The following TTC28 variants were observed in gnomAD, a reference collection of about 807,000 sequenced individuals.
TTC28 encodes tetratricopeptide repeat protein 28.
In TTC28, 61 loss-of-function variants were observed where a neutral mutation model predicts 198.0. That is an observed-to-expected ratio of 0.31 (90% CI 0.25 to 0.38). TTC28 has a LOEUF of 0.38. Ranked by LOEUF, TTC28 falls within the 10% of genes least tolerant of loss-of-function variation. TTC28 has a pLI of 1.00. For synonymous variants in TTC28, 1,171 were observed against 1,297.8 expected (o/e 0.90, Z 2.10); for missense variants, 2,678 against 3,164.0 (o/e 0.85, Z 3.69).
intron 5 of TTC28, among the ~76,000 whole-genome samples, chr22:28,173,092 C>T (rs1184888547): frequency 3.9e-5 from 6 of 152,140 alleles, no homozygotes; most frequent in Non-Finnish European, 7.4e-5. Context: ...GTAATGGCAA[C>T]TGAAAACATC....
At chr22:28,640,281 C>G (rs1174096278) in intron 1 of TTC28, among the ~76,000 whole-genome samples, 1 of 128,750 alleles carries the variant, frequency 7.8e-6, no homozygotes, top group Non-Finnish European at 1.6e-5. Context: ...AAAAAATCCC[C>G]AAAATCAACT....
chr22:28,621,742 TAAAAAAAA>T (rs771463983), intron 2 of TTC28, among the ~76,000 whole-genome samples: 1 of 76,160 alleles, frequency 1.3e-5, no homozygotes, highest in Non-Finnish European at 2.6e-5. Flanking sequence ...GACTGTCTCT[TAAAAAAAA>T]AAAAAAAAAA....
chr22:28,205,344 G>T (rs1236457465), intron 5 of TTC28, among the ~76,000 whole-genome samples: 2 of 151,814 alleles, frequency 1.3e-5, no homozygotes, highest in Admixed American at 1.3e-4. Flanking sequence ...ATTTTTCCCA[G>T]AGCCTCTGTT....
At chr22:28,308,991 G>T (rs2045201362) in intron 2 of TTC28, among the ~76,000 whole-genome samples, 1 of 152,132 alleles carries the variant, frequency 6.6e-6, no homozygotes, top group Non-Finnish European at 1.5e-5. Context: ...TTCATTGCAT[G>T]TACAAATGGC....
At chr22:28,082,244 C>A (rs1390313441) in intron 12 of TTC28, among the ~76,000 whole-genome samples, 1 of 152,134 alleles carries the variant, frequency 6.6e-6, no homozygotes, top group Non-Finnish European at 1.5e-5. Context: ...ATATTTATTT[C>A]CCTTCCTTAT....
chr22:28,454,149 C>CT (rs1459840747), intron 2 of TTC28, among the ~76,000 whole-genome samples: 1 of 152,124 alleles, frequency 6.6e-6, no homozygotes, highest in African/African-American at 2.4e-5. Flanking sequence ...ACCCGCCCCC[C>CT]TACTCCAAAT....
At chr22:28,001,146 A>T in intron 15 of TTC28, 1 of 514,730 alleles carries the variant, frequency 1.9e-6, no homozygotes, top group Non-Finnish European at 3.5e-6. Flanking sequence ...CATGACACAA[A>T]CTGTGGCTTC....
chr22:28,629,633 T>G lies in TTC28; in HGVS notation c.300A>C (p.Ala100=), dbSNP rs200248551. 2,303 of 1,551,732 alleles carry G rather than the reference T, an allele frequency of 1.5e-3. 1 individual carries two copies. Among genetic ancestry groups the G allele is most frequent in the Non-Finnish European group, 1.8e-3 (2,037 of 1,146,994 alleles). The change falls in exon 2 of 23, where the codon GCA becomes GCC. Residue 100 remains alanine (A), a synonymous_variant. Transcript: ENST00000397906. ...QNCILYSNRS[A]AYMKIQQYDK... The stretch of plus-strand genomic sequence containing the variant: ...CATACTGCTGGATTTTCATGTAGGC[T>G]GCAGATCTATTGCTGTATAAGATGC...
intron 5 of TTC28, among the ~76,000 whole-genome samples, chr22:28,288,527 G>C (rs554192001): frequency 6.6e-6 from 1 of 152,176 alleles, no homozygotes; most frequent in East Asian, 1.9e-4. Flanking sequence ...AGTTATATAG[G>C]CTGGGCGCGG....
chr22:28,533,545 T>C (rs935079741), intron 2 of TTC28, among the ~76,000 whole-genome samples: 9 of 150,774 alleles, frequency 6.0e-5, no homozygotes, highest in Non-Finnish European at 1.2e-4. Flanking sequence ...CTTCACAGAA[T>C]TGGAAAAAAA....
At chr22:28,263,962 C>G (rs570063758) in intron 5 of TTC28, among the ~76,000 whole-genome samples, 2 of 152,096 alleles carry the variant, frequency 1.3e-5, no homozygotes, top group African/African-American at 4.8e-5. Flanking sequence ...GTGTTTAGAT[C>G]TGCACTTTGA....
At chr22:28,044,890 G>A (rs1939802534) in intron 12 of TTC28, among the ~76,000 whole-genome samples, 1 of 152,126 alleles carries the variant, frequency 6.6e-6, no homozygotes, top group South Asian at 2.1e-4. Flanking sequence ...TGTTAAAGGA[G>A]AAATACAGGT....
chr22:28,384,942 A>G (rs1056268598), intron 2 of TTC28, among the ~76,000 whole-genome samples: 4 of 151,924 alleles, frequency 2.6e-5, no homozygotes, highest in African/African-American at 9.7e-5. Flanking sequence ...CAGGAGTTTG[A>G]GACCAACCTG....
At chr22:28,144,845 C>A (rs2146998442) in intron 6 of TTC28, among the ~76,000 whole-genome samples, 1 of 152,322 alleles carries the variant, frequency 6.6e-6, no homozygotes. Context: ...GTGCGCCTCA[C>A]CATCTGGGCA....
chr22:28,444,830 T>C (rs2047679198), intron 2 of TTC28, among the ~76,000 whole-genome samples: 1 of 152,230 alleles, frequency 6.6e-6, no homozygotes, highest in Admixed American at 6.5e-5. Context: ...TGCCAGTCCC[T>C]GTTCCAAGTA....
At chr22:28,346,279 G>T (rs866061118) in intron 2 of TTC28, among the ~76,000 whole-genome samples, 1 of 152,028 alleles carries the variant, frequency 6.6e-6, no homozygotes, top group Non-Finnish European at 1.5e-5. Context: ...ACCAGTTATC[G>T]CCAAACTTGT....
intron 2 of TTC28, among the ~76,000 whole-genome samples, chr22:28,321,733 C>T (rs1434535420): frequency 3.9e-5 from 6 of 152,190 alleles, no homozygotes. Context: ...AAAATACCTA[C>T]ATATATGCAG....
intron 5 of TTC28, among the ~76,000 whole-genome samples, chr22:28,216,977 A>G (rs1483189380): frequency 1.3e-5 from 2 of 152,098 alleles, no homozygotes; most frequent in Non-Finnish European, 2.9e-5. Flanking sequence ...TCAGCCTCCC[A>G]AAGTGCTGGG....
chr22:28,062,605 A>G (rs899621278), intron 12 of TTC28, among the ~76,000 whole-genome samples: 10 of 151,956 alleles, frequency 6.6e-5, no homozygotes, highest in Admixed American at 6.6e-4. Context: ...AGAAGCTGAG[A>G]ATGCAGACGC....
Sources: allele counts gnomAD v4.1 joint callset (sites outside exome capture counted in the v4.1 genomes callset), GRCh38; gene constraint gnomAD v4.1.1; transcripts MANE v1.5; gene names NCBI Gene and HGNC (gene_info 2026-07-23, HGNC 2026-07-21).